The following GLIS3 variants were observed in gnomAD, a reference collection of about 807,000 sequenced individuals.
GLIS3 encodes the protein GLIS family zinc finger 3.
Under a neutral mutation model 78.6 loss-of-function variants are expected in GLIS3, and 53 were observed. The ratio of observed to expected loss-of-function variants is 0.67; its 90% CI spans 0.54 to 0.85. The LOEUF (loss-of-function observed/expected upper bound fraction) is 0.85. Ranked by LOEUF, GLIS3 falls within the 40% of genes least tolerant of loss-of-function variation. The pLI is 0.00. For synonymous variants in GLIS3, 684 were observed against 509.9 expected (o/e 1.34, Z -4.60); for missense variants, 1,703 against 1,231.1 (o/e 1.38, Z -5.74).
intron 2 of GLIS3, among the ~76,000 whole-genome samples, chr9:4,226,632 A>C (rs1277550629): frequency 6.6e-6 from 1 of 152,142 alleles, no homozygotes; most frequent in Non-Finnish European, 1.5e-5. Context: ...CATTGCTTCA[A>C]AGTTTGGAGA....
At chr9:4,290,714 A>G (rs1207148265) in intron 1 of GLIS3, among the ~76,000 whole-genome samples, 3 of 152,132 alleles carry the variant, frequency 2.0e-5, no homozygotes, top group African/African-American at 7.2e-5. Context: ...AAGACTGTAT[A>G]AACAAAAACC....
chr9:4,198,051 C>T (rs1819029760), intron 2 of GLIS3, among the ~76,000 whole-genome samples: 1 of 152,172 alleles, frequency 6.6e-6, no homozygotes, highest in East Asian at 1.9e-4. Context: ...GCCAGCACTT[C>T]CAGATGAGAA....
chr9:4,018,594 A>G (rs1822622064), intron 4 of GLIS3, among the ~76,000 whole-genome samples: 1 of 152,174 alleles, frequency 6.6e-6, no homozygotes, highest in South Asian at 2.1e-4. Flanking sequence ...CAAGAAGGGA[A>G]AAGCTGCGGA....
intron 2 of GLIS3, among the ~76,000 whole-genome samples, chr9:4,252,381 C>A (rs1824484191): frequency 2.0e-5 from 3 of 152,020 alleles, no homozygotes. Context: ...GACATCCTTT[C>A]TTCCGCTTGA....
chr9:4,143,145 T>G (rs78571341), intron 2 of GLIS3, among the ~76,000 whole-genome samples: 40 of 152,228 alleles, frequency 2.6e-4, no homozygotes, highest in Middle Eastern at 3.4e-3. Context: ...ATGTGATGAT[T>G]TGACATACGT....
chr9:3,953,763 CT>C (rs1563886246), intron 4 of GLIS3, among the ~76,000 whole-genome samples: 21 of 119,676 alleles, frequency 1.8e-4, no homozygotes, highest in African/African-American at 6.6e-4. Flanking sequence ...TAGATTTGCT[CT>C]CTCTCTCTCT....
the GLIS3 span, among the ~76,000 whole-genome samples, chr9:4,378,230 G>A: frequency 2.0e-5 from 3 of 152,064 alleles, no homozygotes; most frequent in African/African-American, 7.2e-5. Flanking sequence ...TTAATCCTCA[G>A]TCTGGGTTGC....
At chr9:3,902,283 T>G (rs1823362206) in intron 6 of GLIS3, among the ~76,000 whole-genome samples, 1 of 152,150 alleles carries the variant, frequency 6.6e-6, no homozygotes, top group South Asian at 2.1e-4. Flanking sequence ...AACGCAGTCA[T>G]GATATGGAAG....
upstream of GLIS3, among the ~76,000 whole-genome samples, chr9:4,304,043 G>C (rs1817163288): frequency 2.0e-5 from 3 of 152,190 alleles, no homozygotes; most frequent in Admixed American, 6.5e-5. Flanking sequence ...CCTAGCAATA[G>C]TACTGGGCAC....
chr9:4,419,489 C>CT, the GLIS3 span, among the ~76,000 whole-genome samples: 4 of 152,120 alleles, frequency 2.6e-5, no homozygotes, highest in Non-Finnish European at 4.4e-5. Context: ...GTGCTACATA[C>CT]TTTAAAACAA....
the GLIS3 span, among the ~76,000 whole-genome samples, chr9:4,363,214 G>C: frequency 6.6e-6 from 1 of 152,188 alleles, no homozygotes; most frequent in Non-Finnish European, 1.5e-5. Flanking sequence ...CTTGAGGTCA[G>C]GAGTTCAAGA....
intron 8 of GLIS3, among the ~76,000 whole-genome samples, chr9:3,861,523 C>T (rs571048975): frequency 8.8e-6 from 1 of 113,634 alleles, no homozygotes; most frequent in African/African-American, 3.5e-5. Context: ...ATAGCAAAAA[C>T]AGGGAATCAA....
chr9:3,975,819 C>T (rs1020335151), intron 4 of GLIS3, among the ~76,000 whole-genome samples: 2 of 152,026 alleles, frequency 1.3e-5, no homozygotes, highest in Admixed American at 6.6e-5. Flanking sequence ...AAATTCAAAA[C>T]CTCTCTCTGC....
At chr9:3,953,856 C>T (rs1428491601) in intron 4 of GLIS3, among the ~76,000 whole-genome samples, 2 of 146,044 alleles carry the variant, frequency 1.4e-5, no homozygotes, top group Non-Finnish European at 3.0e-5. Flanking sequence ...GACACAGTCA[C>T]ACACACAAAC....
chr9:4,320,360 G>A (rs985124791), intron 2 of GLIS3, among the ~76,000 whole-genome samples: 11 of 152,070 alleles, frequency 7.2e-5, no homozygotes, highest in African/African-American at 2.7e-4. Context: ...TTGAGAAGGA[G>A]GTGGGACTGA....
chr9:4,161,716 C>A (rs961406244), intron 2 of GLIS3, among the ~76,000 whole-genome samples: 1 of 121,880 alleles, frequency 8.2e-6, no homozygotes, highest in Non-Finnish European at 1.6e-5. Context: ...TTCGCTCTGT[C>A]GCCCAAGCTG....
At position 4,319,634 on chromosome 9, in the gene GLIS3, A is replaced by G. The variant is rs1193706254; in HGVS notation, n.265-9106T>C. Among the ~76,000 whole-genome samples, 3 of 151,806 alleles carry G rather than the reference A, an allele frequency of 2.0e-5. 1 individual carries two copies. The highest frequency in any genetic ancestry group is 4.4e-5 in the Non-Finnish European group (3 of 67,984). On this transcript the variant is annotated intron_variant and non_coding_transcript_variant, in intron 2 of 4. Transcript: ENST00000471664. The stretch of plus-strand genomic sequence containing the variant: ...CACCTCAAACTCCTGGGCTCAAGTG[A>G]TCCTCCTGCCTCACCCTCCCAGGTA...
intron 4 of GLIS3, among the ~76,000 whole-genome samples, chr9:4,080,447 T>C (rs907461923): frequency 6.6e-6 from 1 of 152,186 alleles, no homozygotes; most frequent in African/African-American, 2.4e-5. Flanking sequence ...AAATGCATGA[T>C]GAACAAATTA....
the GLIS3 span, among the ~76,000 whole-genome samples, chr9:4,434,599 G>C: frequency 6.6e-6 from 1 of 152,152 alleles, no homozygotes; most frequent in Non-Finnish European, 1.5e-5. Context: ...TGGGTGAGTG[G>C]ATGGATGAAT....
Sources: allele counts gnomAD v4.1 joint callset (sites outside exome capture counted in the v4.1 genomes callset), GRCh38; gene constraint gnomAD v4.1.1; transcripts MANE v1.5; gene names NCBI Gene and HGNC (gene_info 2026-07-23, HGNC 2026-07-21).